The following NDEL1 variants were observed in gnomAD, a reference collection of about 807,000 sequenced individuals.
NDEL1 encodes nuclear distribution protein nudE-like 1.
A neutral mutation model predicts 45.7 loss-of-function variants in NDEL1; 9 were observed. That is an observed-to-expected ratio of 0.20 (90% CI 0.12 to 0.34). The LOEUF (loss-of-function observed/expected upper bound fraction) is 0.34, where lower values mean the gene tolerates loss of function less well. Among genes scored for constraint, NDEL1 ranks in the 10% least tolerant of loss-of-function variants. The pLI is 1.00. For synonymous variants in NDEL1, 133 were observed against 158.6 expected, an observed-to-expected ratio of 0.84 and a Z score of 1.21; for missense variants, 306 against 406.2, an observed-to-expected ratio of 0.75 and a Z score of 2.12.
chr17:8,460,633 T>G (rs574245477), intron 8 of NDEL1, among the ~76,000 whole-genome samples: 1 of 152,332 alleles, frequency 6.6e-6, no homozygotes, highest in East Asian at 1.9e-4. Context: ...TGTATAAAGT[T>G]AAGGCTTTTT....
At chr17:8,434,038 C>T (rs904900432), upstream of NDEL1, among the ~76,000 whole-genome samples, 8 of 152,102 alleles carry the variant, frequency 5.3e-5, no homozygotes, top group South Asian at 1.2e-3. Context: ...CTCCTAGGCT[C>T]ACTTTGTTTT....
At chr17:8,471,641 A>G (rs1911835436), downstream of NDEL1, among the ~76,000 whole-genome samples, 1 of 152,242 alleles carries the variant, frequency 6.6e-6, no homozygotes, top group Non-Finnish European at 1.5e-5. Flanking sequence ...GTCCGGGGCC[A>G]CACTTTCTGC....
At chr17:8,422,003 T>A (rs1358662910) in intron 1 of NDEL1, among the ~76,000 whole-genome samples, 1 of 152,164 alleles carries the variant, frequency 6.6e-6, no homozygotes, top group Non-Finnish European at 1.5e-5. Context: ...GAAGTCACTT[T>A]AACAAAATCA....
At chr17:8,450,645 T>C (rs1910431610) in intron 5 of NDEL1, 135 bp from the exon 6 acceptor site, 1 of 775,630 alleles carries the variant, frequency 1.3e-6, no homozygotes, top group Non-Finnish European at 2.0e-6. Flanking sequence ...ATGAAAGTTA[T>C]ACTTAAATAG....
At chr17:8,440,980 C>T (rs1264067432) in intron 1 of NDEL1, among the ~76,000 whole-genome samples, 1 of 152,196 alleles carries the variant, frequency 6.6e-6, no homozygotes, top group African/African-American at 2.4e-5. Context: ...CACATTCAAA[C>T]ACCTTCAAAT....
chr17:8,471,818 T>C (rs192310047), downstream of NDEL1, among the ~76,000 whole-genome samples: 101 of 152,334 alleles, frequency 6.6e-4, 1 homozygote, highest in South Asian at 1.9e-3. Flanking sequence ...TGGACTTCTC[T>C]GTCTGGTCCT....
chr17:8,453,520 C>T (rs901954194), intron 6 of NDEL1, among the ~76,000 whole-genome samples: 2 of 151,954 alleles, frequency 1.3e-5, no homozygotes, highest in Non-Finnish European at 2.9e-5. Flanking sequence ...TAGTTCAGCT[C>T]AAGAGCCGTT....
intron 8 of NDEL1, chr17:8,463,184 G>T: frequency 1.6e-6 from 1 of 612,690 alleles, no homozygotes; most frequent in Non-Finnish European, 2.9e-6. Context: ...AGTTTCTTAG[G>T]TAACATGTGC....
At chr17:8,468,914 G>A (rs928076738), downstream of NDEL1, among the ~76,000 whole-genome samples, 1 of 152,310 alleles carries the variant, frequency 6.6e-6, no homozygotes, top group Middle Eastern at 3.4e-3. Context: ...TGAGGCAGGA[G>A]AATCGCTTGA....
At chr17:8,462,289 G>GT (rs1194201993) in intron 8 of NDEL1, among the ~76,000 whole-genome samples, 1 of 152,160 alleles carries the variant, frequency 6.6e-6, no homozygotes, top group Admixed American at 6.5e-5. Context: ...GCTGGCTGTT[G>GT]TGTGAGTGTT....
Position 8,436,064 on chromosome 17 carries a change from G to A in NDEL1, c.-13+19G>A, listed in dbSNP as rs1190620840. On this transcript the variant is annotated intron_variant, in intron 1 of 8. Transcript: ENST00000334527. The stretch of plus-strand genomic sequence containing the variant: ...ATTGGAGGTGAGCCTGCAGCGCGGG[G>A]CCGCTCCCTAAGGGGCTGCGCTGGG... The A allele has an allele frequency of 2.3e-6, 1 of 426,754 alleles. No homozygotes were observed. Among genetic ancestry groups the A allele is most frequent in the South Asian group, 1.6e-5 (1 of 61,344 alleles). The allele number at this position is 426,754 out of a possible 1,614,324, so 26.4% of individuals were successfully genotyped here. A position where few individuals can be genotyped will look rare whatever the true frequency, so the allele number is the denominator to read the frequency against.
At chr17:8,451,349 T>G (rs1375089685) in intron 6 of NDEL1, among the ~76,000 whole-genome samples, 1 of 152,214 alleles carries the variant, frequency 6.6e-6, no homozygotes, top group Admixed American at 6.5e-5. Flanking sequence ...TGTGTGCTTG[T>G]GTGTGTTTGT....
At chr17:8,447,982 C>CGGGGTGGGGGGGGGGGGGG (rs1910198123) in intron 4 of NDEL1, among the ~76,000 whole-genome samples, 1 of 107,714 alleles carries the variant, frequency 9.3e-6, no homozygotes, top group Admixed American at 1.0e-4. Context: ...GGGAGGTGGG[C>CGGGGTGGGGGGGGGGGGGG]GGGGGGGGGG....
chr17:8,459,403 C>A (rs771840121), intron 7 of NDEL1, among the ~76,000 whole-genome samples: 4 of 152,090 alleles, frequency 2.6e-5, no homozygotes, highest in Non-Finnish European at 4.4e-5. Context: ...GAGGTAAATG[C>A]TAAAAGGCCA....
chr17:8,414,831 T>A (rs1908506742), intron 1 of NDEL1, among the ~76,000 whole-genome samples: 1 of 152,146 alleles, frequency 6.6e-6, no homozygotes, highest in Admixed American at 6.5e-5. Flanking sequence ...TGCTTAGTTT[T>A]TAGATACATA....
intron 1 of NDEL1, among the ~76,000 whole-genome samples, chr17:8,424,936 G>A (rs1297862235): frequency 6.6e-6 from 1 of 152,108 alleles, no homozygotes; most frequent in Non-Finnish European, 1.5e-5. Context: ...CACGGTGCTG[G>A]GATTATAGGC....
At chr17:8,450,534 C>T in intron 5 of NDEL1, among the ~76,000 whole-genome samples, 1 of 152,110 alleles carries the variant, frequency 6.6e-6, no homozygotes, top group East Asian at 1.9e-4. Context: ...TGCACTGTTT[C>T]TTTTTGCATA....
chr17:8,467,336 T>A lies in NDEL1; in HGVS notation c.*313T>A, dbSNP rs1485403174. On this transcript the variant is annotated 3_prime_UTR_variant, in exon 9 of 9. Coordinates refer to ENST00000334527, the MANE Select transcript of NDEL1 (RefSeq NM_030808.5). This position sits in a 1 kb window ranked among gnomAD's most constrained non-coding sequence, Gnocchi z 6.3. ...TGCAGAAGTACCCATTCATCACACC[T>A]GCCCCATAGCCCCCACTCTGCTGTA... The A allele has an allele frequency of 1.8e-6, 1 of 544,570 alleles. No homozygotes were observed. Among genetic ancestry groups the A allele is most frequent in the Non-Finnish European group, 3.2e-6 (1 of 309,668 alleles). 33.7% of individuals were successfully genotyped at this position (544,570 alleles called of 1,614,324 possible). A position where few individuals can be genotyped will look rare whatever the true frequency, so the allele number is the denominator to read the frequency against.
Position 8,435,885 on chromosome 17 carries a change from G to C in NDEL1, c.-173G>C. The stretch of plus-strand genomic sequence containing the variant: ...CAGAATGGCCTCGGACACCCAGGCA[G>C]TCCCTGACGTGTCGGGGAGGAGCCG... On this transcript the variant is annotated 5_prime_UTR_variant, in exon 1 of 9. Transcript: ENST00000334527. The C allele has an allele frequency of 2.2e-6, 1 of 447,208 alleles. No individual in the cohort carries two copies. The highest frequency in any genetic ancestry group is 4.6e-4 in the Middle Eastern group (1 of 2,160). 27.7% of individuals were successfully genotyped at this position (447,208 alleles called of 1,614,324 possible). A position where few individuals can be genotyped will look rare whatever the true frequency, so the allele number is the denominator to read the frequency against.
Sources: allele counts gnomAD v4.1 joint callset (sites outside exome capture counted in the v4.1 genomes callset), GRCh38; gene constraint gnomAD v4.1.1; non-coding constraint Gnocchi (gnomAD v3.1); transcripts MANE v1.5; gene names NCBI Gene and HGNC (gene_info 2026-07-23, HGNC 2026-07-21).